The following NEK7 variants were observed in gnomAD, a reference collection of about 807,000 sequenced individuals.
NEK7 encodes the protein NIMA related kinase 7.
A neutral mutation model predicts 44.6 loss-of-function variants in NEK7; 18 were observed. That is an observed-to-expected ratio of 0.40 (90% CI 0.28 to 0.60). The LOEUF is 0.60. Ranked by LOEUF, NEK7 falls within the 20% of genes least tolerant of loss-of-function variation. NEK7 has a pLI of 0.38. For missense variants in NEK7, 256 were observed against 366.5 expected (o/e 0.70, Z 2.46); for synonymous variants, 130 against 121.1 (o/e 1.07, Z -0.48).
rs534947885 is a variant in NEK7, at chr1:198,281,660, T to G, written c.589+2599T>G. Among the ~76,000 whole-genome samples the G allele has an allele frequency of 3.3e-5, 5 of 152,248 alleles. No homozygotes were observed. In the East Asian group the frequency reaches 9.7e-4, roughly 29 times the overall value. On this transcript the variant is annotated intron_variant, in intron 7 of 9. Coordinates refer to ENST00000367385, the MANE Select transcript of NEK7 (RefSeq NM_133494.3). ...ATCTTATGCATTTATATTTTCAAAA[T>G]ACATTTTTGTTGAAAAATCAAGATA...
intron 1 of NEK7, among the ~76,000 whole-genome samples, chr1:198,165,976 T>C (rs1664254943): frequency 6.6e-6 from 1 of 152,258 alleles, no homozygotes; most frequent in African/African-American, 2.4e-5. Context: ...AGAGATGACA[T>C]ATTTCCTTGG....
chr1:198,248,717 G>C (rs1033326594), intron 2 of NEK7, among the ~76,000 whole-genome samples: 73 of 152,050 alleles, frequency 4.8e-4, no homozygotes, highest in Non-Finnish European at 8.1e-4. Flanking sequence ...AAATGATTAT[G>C]TATTTTTGTA....
At chr1:198,170,269 A>G (rs755602032) in intron 1 of NEK7, among the ~76,000 whole-genome samples, 4 of 152,162 alleles carry the variant, frequency 2.6e-5, no homozygotes, top group Non-Finnish European at 5.9e-5. Flanking sequence ...TGTGTCAGAC[A>G]TGAACTTGGT....
intron 2 of NEK7, among the ~76,000 whole-genome samples, chr1:198,251,494 T>A (rs1391695080): frequency 6.6e-6 from 1 of 151,052 alleles, no homozygotes; most frequent in Non-Finnish European, 1.5e-5. Context: ...CGGCTGTAAA[T>A]CCATCTGGTC....
At chr1:198,245,524 G>C (rs147450633) in intron 2 of NEK7, among the ~76,000 whole-genome samples, 1 of 152,266 alleles carries the variant, frequency 6.6e-6, no homozygotes, top group East Asian at 1.9e-4. Context: ...GTATGAAAAA[G>C]GAAGTTATTC....
intron 4 of NEK7, among the ~76,000 whole-genome samples, chr1:198,263,484 A>G (rs1653547822): frequency 6.6e-6 from 1 of 151,922 alleles, no homozygotes; most frequent in African/African-American, 2.4e-5. Context: ...TTTCTCAGAG[A>G]AACAATTCAT....
chr1:198,183,899 A>G (rs559975454), intron 1 of NEK7, among the ~76,000 whole-genome samples: 1 of 152,334 alleles, frequency 6.6e-6, no homozygotes, highest in African/African-American at 2.4e-5. Context: ...AAGAAAATGT[A>G]AAAACAATTT....
intron 1 of NEK7, among the ~76,000 whole-genome samples, chr1:198,221,941 T>C (rs1266411238): frequency 6.6e-6 from 1 of 151,684 alleles, no homozygotes; most frequent in African/African-American, 2.4e-5. Flanking sequence ...TATAATGTTA[T>C]CTAGTATAGT....
At chr1:198,173,787 A>C (rs1664522038) in intron 1 of NEK7, among the ~76,000 whole-genome samples, 1 of 152,138 alleles carries the variant, frequency 6.6e-6, no homozygotes, top group African/African-American at 2.4e-5. Context: ...TTATATAAAA[A>C]ACTTTATAAT....
At chr1:198,222,101 G>A (rs12565303) in intron 1 of NEK7, among the ~76,000 whole-genome samples, 1 of 151,772 alleles carries the variant, frequency 6.6e-6, no homozygotes, top group Non-Finnish European at 1.5e-5. Flanking sequence ...CATTTAATTA[G>A]CGCTTGTGTC....
intron 7 of NEK7, among the ~76,000 whole-genome samples, chr1:198,292,692 T>G (rs1654596696): frequency 6.6e-6 from 1 of 151,980 alleles, no homozygotes; most frequent in Non-Finnish European, 1.5e-5. Context: ...GCTCCGTTGA[T>G]TCTTCTTGGA....
At chr1:198,262,943 A>G (rs1249339700) in intron 4 of NEK7, among the ~76,000 whole-genome samples, 1 of 151,868 alleles carries the variant, frequency 6.6e-6, no homozygotes, top group Non-Finnish European at 1.5e-5. Flanking sequence ...GACATATTCT[A>G]AAGGTTAAGT....
At chr1:198,167,922 T>A (rs1369936556) in intron 1 of NEK7, among the ~76,000 whole-genome samples, 1 of 152,208 alleles carries the variant, frequency 6.6e-6, no homozygotes, top group East Asian at 1.9e-4. Flanking sequence ...CTTCCCTCCT[T>A]GTCAGTAGAT....
At chr1:198,173,593 A>T (rs920053020) in intron 1 of NEK7, among the ~76,000 whole-genome samples, 1 of 152,068 alleles carries the variant, frequency 6.6e-6, no homozygotes, top group Non-Finnish European at 1.5e-5. Context: ...ATTCTTAATA[A>T]ATCTGTTTTT....
chr1:198,310,125 T>G (rs1205314737), intron 9 of NEK7, among the ~76,000 whole-genome samples: 1 of 152,188 alleles, frequency 6.6e-6, no homozygotes, highest in East Asian at 1.9e-4. Flanking sequence ...GACTTTTTAA[T>G]GATTGCCATT....
At chr1:198,216,864 G>A (rs74635031) in intron 1 of NEK7, among the ~76,000 whole-genome samples, 65 of 151,438 alleles carry the variant, frequency 4.3e-4, no homozygotes, top group Non-Finnish European at 6.3e-4. Context: ...CAATTTCCTC[G>A]AAAACGACAA....
At chr1:198,271,898 T>G (rs1257590452) in intron 5 of NEK7, among the ~76,000 whole-genome samples, 1 of 125,800 alleles carries the variant, frequency 7.9e-6, no homozygotes, top group Non-Finnish European at 1.6e-5. Context: ...AATTAAAAAT[T>G]TATATTTTAT....
At chr1:198,285,097 C>A (rs1000155668) in intron 7 of NEK7, among the ~76,000 whole-genome samples, 9 of 151,970 alleles carry the variant, frequency 5.9e-5, no homozygotes, top group Non-Finnish European at 1.0e-4. Flanking sequence ...TTTATTTTTT[C>A]TTTTTTCCTT....
At chr1:198,291,277 G>A (rs1324563854) in intron 7 of NEK7, among the ~76,000 whole-genome samples, 1 of 152,154 alleles carries the variant, frequency 6.6e-6, no homozygotes, top group African/African-American at 2.4e-5. Context: ...TTTATGTCCT[G>A]AAACCAGGAG....
Sources: gnomAD v4.1 joint callset for allele counts (sites outside exome capture counted in the v4.1 genomes callset) on GRCh38, gnomAD v4.1.1 for gene constraint, MANE v1.5 for transcripts, NCBI Gene and HGNC (gene_info 2026-07-23, HGNC 2026-07-21) for gene names.